Variants in IRF2 observed in about 807,000 individuals in gnomAD.
IRF2 encodes interferon regulatory factor 2.
Under a neutral mutation model 40.6 loss-of-function variants are expected in IRF2, and 15 were observed. That is an observed-to-expected ratio of 0.37 (90% CI 0.25 to 0.57). The LOEUF is 0.57. IRF2 is among the 20% of genes least tolerant of loss of function. The pLI is 0.77. For missense variants in IRF2, 317 were observed against 455.7 expected, an observed-to-expected ratio of 0.70 and a Z score of 2.77; for synonymous variants, 151 against 165.5, an observed-to-expected ratio of 0.91 and a Z score of 0.67.
chr4:184,413,268 G>C lies in IRF2; in HGVS notation c.411+4899C>G, dbSNP rs1010912806. 1.3e-5 allele frequency among the ~76,000 whole-genome samples: 2 copies of C among 152,190 alleles called. No individual in the cohort carries two copies. Among genetic ancestry groups the C allele is most frequent in the Non-Finnish European group, 2.9e-5 (2 of 68,038 alleles). On this transcript the variant is annotated intron_variant, in intron 5 of 8. Coordinates refer to ENST00000393593, the MANE Select transcript of IRF2 (RefSeq NM_002199.4). The surrounding 1 kb of genome is among the most constrained non-coding windows in gnomAD (Gnocchi z 4.2). ...GCCTGCTCTAAGTGTGCTACAAGGA[G>C]TTCAACTGTGTCTCATTCCGTAAAA... is the stretch of plus-strand genomic sequence containing the variant.
intron 1 of IRF2, among the ~76,000 whole-genome samples, chr4:184,435,457 G>C (rs1471643943): frequency 6.6e-6 from 1 of 152,200 alleles, no homozygotes; most frequent in East Asian, 1.9e-4. Context: ...TAATGGTACA[G>C]TAGGTAATTC....
chr4:184,388,743 C>A lies in IRF2; in HGVS notation c.*15G>T. ...AGCCAAGAAGCCCCAACAACCACCG[C>A]GGAGAGTCAGAGGCTTAACAGCTCT... On this transcript the variant is annotated 3_prime_UTR_variant, in exon 9 of 9. Transcript: ENST00000393593. The surrounding 1 kb of genome is among the most constrained non-coding windows in gnomAD (Gnocchi z 4.6). 1.3e-6 allele frequency: 2 copies of A among 1,588,286 alleles called. No homozygotes were observed. The highest frequency in any genetic ancestry group is 1.7e-6 in the Non-Finnish European group (2 of 1,173,768).
chr4:184,439,540 G>GC (rs1738220104), intron 1 of IRF2, among the ~76,000 whole-genome samples: 1 of 152,062 alleles, frequency 6.6e-6, no homozygotes, highest in Non-Finnish European at 1.5e-5. Context: ...AAAACAGGAG[G>GC]CCAGTGGTGA....
At chr4:184,460,681 G>GAA (rs1739109172) in intron 1 of IRF2, among the ~76,000 whole-genome samples, 1 of 149,990 alleles carries the variant, frequency 6.7e-6, no homozygotes, top group Admixed American at 6.6e-5. Context: ...ACACACACAT[G>GAA]CACGCACACA....
intron 8 of IRF2, among the ~76,000 whole-genome samples, chr4:184,390,243 C>T (rs1330024780): frequency 2.0e-5 from 3 of 152,160 alleles, no homozygotes; most frequent in Non-Finnish European, 2.9e-5. Flanking sequence ...CACTCGGAAT[C>T]GAGATGGGGC....
At chr4:184,398,116 T>C (rs1045730579) in intron 7 of IRF2, among the ~76,000 whole-genome samples, 1 of 152,192 alleles carries the variant, frequency 6.6e-6, no homozygotes, top group South Asian at 2.1e-4. Context: ...GATCTAGCAA[T>C]GAGCTTGGGG....
At position 184,444,213 on chromosome 4, in the gene IRF2, T is replaced by C. The variant is rs187998865; in HGVS notation, c.-6-15143A>G. 4.1e-3 allele frequency among the ~76,000 whole-genome samples: 626 copies of C among 152,226 alleles called. 4 individuals carry two copies. The highest frequency in any genetic ancestry group is 7.5e-3 in the Non-Finnish European group (511 of 68,012). On this transcript the variant is annotated intron_variant, in intron 1 of 8. Coordinates refer to ENST00000393593, the MANE Select transcript of IRF2 (RefSeq NM_002199.4). ...ATGAGATGAGGAGAGGAACCTTATC[T>C]CATATACAGTATAGTGATAAAAATG...
At chr4:184,470,359 T>TA (rs1739471001) in intron 1 of IRF2, among the ~76,000 whole-genome samples, 2 of 152,158 alleles carry the variant, frequency 1.3e-5, no homozygotes, top group Non-Finnish European at 2.9e-5. Flanking sequence ...GGGCACACAG[T>TA]AAGCATTCAA....
intron 2 of IRF2, among the ~76,000 whole-genome samples, chr4:184,422,313 G>T (rs1271289143): frequency 1.3e-5 from 2 of 152,160 alleles, no homozygotes; most frequent in Non-Finnish European, 2.9e-5. Context: ...GGAGAAACTG[G>T]AATCCTCACA....
chr4:184,442,627 T>C (rs752592208), intron 1 of IRF2, among the ~76,000 whole-genome samples: 55 of 152,046 alleles, frequency 3.6e-4, no homozygotes, highest in Non-Finnish European at 7.5e-4. Flanking sequence ...ACCAGTGAAC[T>C]AGTAAGCATC....
intron 7 of IRF2, among the ~76,000 whole-genome samples, chr4:184,391,930 T>C (rs1434020265): frequency 6.6e-6 from 1 of 152,134 alleles, no homozygotes; most frequent in African/African-American, 2.4e-5. Flanking sequence ...AGAGGGTACA[T>C]GGGAAAGGCC....
At chr4:184,407,384 T>G in intron 6 of IRF2, 1 of 452,382 alleles carries the variant, frequency 2.2e-6, no homozygotes, top group Non-Finnish European at 3.7e-6. Context: ...CATCTGGCCA[T>G]ACAGGAGAGA....
intron 8 of IRF2, among the ~76,000 whole-genome samples, chr4:184,389,555 C>G (rs1736178773): frequency 1.3e-5 from 2 of 152,168 alleles, no homozygotes; most frequent in African/African-American, 4.8e-5. Context: ...AAATCTATTG[C>G]ACCCAGCTAT....
intron 7 of IRF2, among the ~76,000 whole-genome samples, chr4:184,397,975 C>T (rs1375548406): frequency 2.6e-5 from 4 of 152,200 alleles, no homozygotes; most frequent in Non-Finnish European, 5.9e-5. Context: ...GGGCCAACTC[C>T]TGTCATTATG....
intron 7 of IRF2, among the ~76,000 whole-genome samples, chr4:184,393,882 C>T (rs545729486): frequency 3.9e-5 from 6 of 152,308 alleles, no homozygotes; most frequent in African/African-American, 1.4e-4. Context: ...GCACTGCGCC[C>T]CGTGTCCTCT....
Position 184,388,743 on chromosome 4 carries a change from C to T in IRF2, c.*15G>A, listed in dbSNP as rs758543186. The T allele has an allele frequency of 1.4e-5, 22 of 1,588,284 alleles. No individual in the cohort carries two copies. In the African/African-American group the frequency reaches 1.6e-4, roughly 12 times the overall value. On this transcript the variant is annotated 3_prime_UTR_variant, in exon 9 of 9. Coordinates refer to ENST00000393593, the MANE Select transcript of IRF2 (RefSeq NM_002199.4). This position sits in a 1 kb window ranked among gnomAD's most constrained non-coding sequence, Gnocchi z 4.6. ...AGCCAAGAAGCCCCAACAACCACCG[C>T]GGAGAGTCAGAGGCTTAACAGCTCT...
chr4:184,430,883 C>T (rs1737854141), intron 1 of IRF2, among the ~76,000 whole-genome samples: 1 of 152,014 alleles, frequency 6.6e-6, no homozygotes, highest in African/African-American at 2.4e-5. Flanking sequence ...TTTTGTAGAG[C>T]TGGGGTCTCC....
intron 1 of IRF2, among the ~76,000 whole-genome samples, chr4:184,455,167 TC>T (rs772162548): frequency 2.0e-4 from 30 of 151,804 alleles, no homozygotes; most frequent in Non-Finnish European, 3.8e-4. Context: ...ATCCCACCTT[TC>T]TAACCTCTTG....
At chr4:184,440,598 C>G (rs34607052) in intron 1 of IRF2, among the ~76,000 whole-genome samples, 1 of 152,186 alleles carries the variant, frequency 6.6e-6, no homozygotes, top group Non-Finnish European at 1.5e-5. Flanking sequence ...GGCGGCTGAT[C>G]GCCTCATCTG....
Sources: gnomAD v4.1 joint callset for allele counts (sites outside exome capture counted in the v4.1 genomes callset) on GRCh38, gnomAD v4.1.1 for gene constraint, Gnocchi (gnomAD v3.1) non-coding constraint, MANE v1.5 for transcripts, NCBI Gene and HGNC (gene_info 2026-07-23, HGNC 2026-07-21) for gene names.